MCOLN3: variants seen among roughly 807,000 people sequenced by gnomAD.
MCOLN3 encodes the protein mucolipin TRP cation channel 3, also known as mucolipin-3.
A neutral mutation model predicts 69.4 loss-of-function variants in MCOLN3; 62 were observed. The observed-to-expected ratio is 0.89, with a 90% CI of 0.73 to 1.10. MCOLN3 has a LOEUF of 1.10. Ranked by LOEUF, MCOLN3 falls within the 50% of genes least tolerant of loss-of-function variation. The probability of loss-of-function intolerance (pLI) is 0.00; values close to 1 mark genes in which losing one functional copy is unlikely to be tolerated. For missense variants in MCOLN3, 564 were observed against 656.4 expected (o/e 0.86, Z 1.54); for synonymous variants, 183 against 217.0 (o/e 0.84, Z 1.38).
chr1:85,044,612 A>C (rs985464890), intron 2 of MCOLN3, among the ~76,000 whole-genome samples: 1 of 152,234 alleles, frequency 6.6e-6, no homozygotes, highest in South Asian at 2.1e-4. Context: ...TTGAACTAAA[A>C]AGAGGTCCTG....
chr1:85,019,268 G>T lies in MCOLN3; in HGVS notation c.1528-11C>A, dbSNP rs771509585. 1 of 1,606,242 alleles carries T rather than the reference G, an allele frequency of 6.2e-7. No homozygotes were observed. Among genetic ancestry groups the T allele is most frequent in the Non-Finnish European group, 8.5e-7 (1 of 1,177,712 alleles). ...ATCTTGTTGGTATTGCTAAACAGAA[G>T]AATGTTAAAAAGCTTTTATTAATAA... On this transcript the variant is annotated splice_polypyrimidine_tract_variant and intron_variant, in intron 12 of 12. Coordinates refer to ENST00000370589, the MANE Select transcript of MCOLN3 (RefSeq NM_018298.11).
chr1:85,046,854 C>A (rs1343782560), intron 1 of MCOLN3, among the ~76,000 whole-genome samples: 2 of 152,150 alleles, frequency 1.3e-5, no homozygotes, highest in Middle Eastern at 3.2e-3. Context: ...TTATATAACT[C>A]ATTAAAGTGT....
chr1:85,027,241 A>T (rs1164629992), intron 7 of MCOLN3, among the ~76,000 whole-genome samples: 1 of 152,266 alleles, frequency 6.6e-6, no homozygotes, highest in Non-Finnish European at 1.5e-5. Context: ...AAATACTTTC[A>T]GATAGGAGTA....
chr1:85,029,067 T>A, intron 7 of MCOLN3, 39 bp downstream of exon 7: 1 of 1,280,986 alleles, frequency 7.8e-7, no homozygotes, highest in African/African-American at 1.5e-5. Context: ...TTACATTATT[T>A]AATAACCATT....
At chr1:85,042,310 C>T (rs1343992577) in intron 2 of MCOLN3, among the ~76,000 whole-genome samples, 1 of 152,218 alleles carries the variant, frequency 6.6e-6, no homozygotes, top group Non-Finnish European at 1.5e-5. Flanking sequence ...TGTCATGCTA[C>T]ACAAAGTAAT....
At chr1:85,048,033 C>T (rs1387454908) in intron 1 of MCOLN3, among the ~76,000 whole-genome samples, 4 of 152,256 alleles carry the variant, frequency 2.6e-5, no homozygotes, top group Non-Finnish European at 2.9e-5. Context: ...CGGCCGGCAT[C>T]CAAGCCTTCC....
At chr1:85,033,278 T>C (rs182674808) in intron 4 of MCOLN3, among the ~76,000 whole-genome samples, 1 of 152,328 alleles carries the variant, frequency 6.6e-6, no homozygotes, top group Admixed American at 6.5e-5. Context: ...TTTTGTATCC[T>C]AAGCATAGGA....
intron 3 of MCOLN3, chr1:85,036,965 AAC>A (rs1652831484): frequency 6.6e-6 from 1 of 152,224 alleles, no homozygotes; most frequent in African/African-American, 2.4e-5. Flanking sequence ...TCACTGCTCT[AAC>A]ACCAGCCCTG....
intron 12 of MCOLN3, 60 bp from the exon 13 acceptor site, chr1:85,019,317 C>T: frequency 1.3e-6 from 2 of 1,532,144 alleles, no homozygotes; most frequent in Non-Finnish European, 1.8e-6. Flanking sequence ...AGCTTCATTC[C>T]AAATTCAAAA....
rs1651789128 is a variant in MCOLN3 at position 85,018,884 on chromosome 1, AAAT to A, written c.*236_*238del. 7.1e-6 allele frequency: 3 copies of A among 422,642 alleles called. No individual in the cohort carries two copies. Among genetic ancestry groups the A allele is most frequent in the South Asian group, 3.4e-5 (1 of 29,496 alleles). The allele number at this position is 422,642 out of a possible 1,614,324, so 26.2% of individuals were successfully genotyped here. On this transcript the variant is annotated 3_prime_UTR_variant, in exon 13 of 13. Transcript: ENST00000370589. The stretch of plus-strand genomic sequence containing the variant: ...CTAAAGCCATGGCAAAATAAACAAG[AAAT>A]AATAATAATCCAATAGCTTTCCTCA...
At position 85,026,282 on chromosome 1, in the gene MCOLN3, G is replaced by C. The variant is rs777276677; in HGVS notation, c.835C>G (p.Gln279Glu). 21 of 1,606,978 alleles carry C rather than the reference G, an allele frequency of 1.3e-5. No individual in the cohort carries two copies. The highest frequency in any genetic ancestry group is 1.8e-5 in the Non-Finnish European group (21 of 1,173,610). The change falls in exon 8 of 13, where the codon CAG becomes GAG. Residue 279 changes from glutamine to glutamate, a missense_variant and splice_region_variant. Coordinates refer to ENST00000370589, the MANE Select transcript of MCOLN3 (RefSeq NM_018298.11). Reference sequence around the variant, plus strand: ...ATCATCATGTAATGAGTGTTCTTCTGAACTGAAAGCAAAGAGGATTACATA... The same window carrying C: ...ATCATCATGTAATGAGTGTTCTTCTCAACTGAAAGCAAAGAGGATTACATA... ...CKDWHVSGSIQKNTHYMMIFD... is the reference protein window; with the variant it reads ...CKDWHVSGSIEKNTHYMMIFD...
rs144793042 is a variant in MCOLN3, at chr1:85,034,227, C to T, written c.421G>A (p.Val141Ile). 184 of 1,614,120 alleles carry T rather than the reference C, an allele frequency of 1.1e-4. 1 individual carries two copies. The highest frequency in any genetic ancestry group is 8.7e-4 in the African/African-American group (65 of 75,028). The change falls in exon 4 of 13, where the codon GTT becomes ATT. Residue 141 changes from valine (V) to isoleucine (I), a missense_variant. Val to Ile is a conservative substitution (Grantham distance 29). Transcript: ENST00000370589. The part of the protein sequence containing the change: ...NQYLQLYNVS[V>I]GNHAYENKGT... ...TTGTTCTCATAAGCATGATTCCCAACGGAGACATTGTATAGCTGCAAGTAC... is the reference window on the plus strand; with the variant it reads ...TTGTTCTCATAAGCATGATTCCCAATGGAGACATTGTATAGCTGCAAGTAC...
chr1:85,041,870 CAAA>C lies in MCOLN3; in HGVS notation c.229-696_229-694del, dbSNP rs11446470. On this transcript the variant is annotated intron_variant, in intron 2 of 12. Coordinates refer to ENST00000370589, the MANE Select transcript of MCOLN3 (RefSeq NM_018298.11). Reference sequence around the variant, plus strand: ...GGGCAATAAGAGCGAAACTACGTCTCAAAAAAAAAAAAAAAAAAAAAGCTTACC... The same window carrying C: ...GGGCAATAAGAGCGAAACTACGTCTCAAAAAAAAAAAAAAAAAAGCTTACC... Among the ~76,000 whole-genome samples, 22 of 69,688 alleles carry C rather than the reference CAAA, an allele frequency of 3.2e-4. 1 individual carries two copies. The Admixed American group carries it at 3.7e-3, about 12-fold the overall frequency. 45.7% of individuals were successfully genotyped at this position (69,688 alleles called of 152,430 possible). A position where few individuals can be genotyped will look rare whatever the true frequency, so the allele number is the denominator to read the frequency against.
intron 9 of MCOLN3, 147 bp from the exon 10 acceptor site, chr1:85,022,547 C>T: frequency 3.5e-6 from 2 of 571,430 alleles, no homozygotes; most frequent in Non-Finnish European, 6.2e-6. Flanking sequence ...ATAAAGCTTA[C>T]ATTCTAGTGG....
intron 3 of MCOLN3, among the ~76,000 whole-genome samples, chr1:85,039,701 A>C (rs1006997210): frequency 6.6e-6 from 1 of 152,172 alleles, no homozygotes; most frequent in African/African-American, 2.4e-5. Context: ...AATTTAATGC[A>C]CTTTGGGAGG....
intron 2 of MCOLN3, among the ~76,000 whole-genome samples, chr1:85,042,381 G>A (rs910531440): frequency 1.3e-5 from 2 of 152,172 alleles, no homozygotes; most frequent in African/African-American, 4.8e-5. Flanking sequence ...TTCCACATAT[G>A]ATATATGGTC....
intron 1 of MCOLN3, among the ~76,000 whole-genome samples, chr1:85,046,279 A>G (rs1396661715): frequency 2.9e-5 from 4 of 135,906 alleles, no homozygotes; most frequent in African/African-American, 1.1e-4. Flanking sequence ...TATTTATAGC[A>G]TATTTTCAAA....
rs757995004 is a variant in MCOLN3 at position 85,026,276 on chromosome 1, T to A, written c.841A>T (p.Asn281Tyr). ...DWHVSGSIQK[N>Y]THYMMIFDAF... Reference sequence around the variant, plus strand: ...TCAAAGATCATCATGTAATGAGTGTTCTTCTGAACTGAAAGCAAAGAGGAT... The same window carrying A: ...TCAAAGATCATCATGTAATGAGTGTACTTCTGAACTGAAAGCAAAGAGGAT... The change falls in exon 8 of 13, where the codon AAC (asparagine) becomes TAC (tyrosine). Residue 281 changes from asparagine (N) to tyrosine (Y), a missense_variant. Asn to Tyr is a moderately radical substitution (Grantham distance 143, BLOSUM62 -2). Coordinates refer to ENST00000370589, the MANE Select transcript of MCOLN3 (RefSeq NM_018298.11). 1 of 1,612,164 alleles carries A rather than the reference T, an allele frequency of 6.2e-7. No individual in the cohort carries two copies. The highest frequency in any genetic ancestry group is 8.5e-7 in the Non-Finnish European group (1 of 1,178,216).
intron 9 of MCOLN3, chr1:85,025,074 C>T (rs75538885): frequency 0.037 from 5,604 of 152,300 alleles, 189 homozygotes; most frequent in East Asian, 0.19. Flanking sequence ...CTGTTTGAGG[C>T]AACACGGCAA....
Sources: gnomAD v4.1 joint callset for allele counts (sites outside exome capture counted in the v4.1 genomes callset) on GRCh38, gnomAD v4.1.1 for gene constraint, MANE v1.5 for transcripts, NCBI Gene and HGNC (gene_info 2026-07-23, HGNC 2026-07-21) for gene names.